The following SLIT3 variants were observed in gnomAD, a reference collection of about 807,000 sequenced individuals.
The protein encoded by SLIT3 is slit guidance ligand 3, also known as slit homolog 3 protein.
In SLIT3, 68 loss-of-function variants were observed where a neutral mutation model predicts 184.0. That is an observed-to-expected ratio of 0.37 (90% CI 0.30 to 0.45). The LOEUF (loss-of-function observed/expected upper bound fraction) is 0.45. Among genes scored for constraint, SLIT3 ranks in the 20% least tolerant of loss-of-function variants. SLIT3 has a pLI of 1.00. For missense variants in SLIT3, 1,707 were observed against 2,026.0 expected, an observed-to-expected ratio of 0.84 and a Z score of 3.02; for synonymous variants, 831 against 828.6, an observed-to-expected ratio of 1.00 and a Z score of -0.05.
intron 4 of SLIT3, among the ~76,000 whole-genome samples, chr5:169,035,906 C>T (rs1358903198): frequency 6.6e-6 from 1 of 152,162 alleles, no homozygotes; most frequent in East Asian, 1.9e-4. Flanking sequence ...GTTACATCAA[C>T]TCCAGCATCT....
intron 1 of SLIT3, 53 bp from the exon 2 acceptor site, chr5:169,251,512 T>C: frequency 8.2e-7 from 1 of 1,218,278 alleles, no homozygotes. Context: ...AATTACGGTC[T>C]ATTTAATCCA....
chr5:168,948,328 T>C (rs1762552151), intron 4 of SLIT3, among the ~76,000 whole-genome samples: 1 of 151,948 alleles, frequency 6.6e-6, no homozygotes, highest in African/African-American at 2.4e-5. Flanking sequence ...GATTTTTGGG[T>C]TCAGAGGAGA....
At chr5:169,192,957 C>G (rs536122757) in intron 4 of SLIT3, among the ~76,000 whole-genome samples, 1 of 152,172 alleles carries the variant, frequency 6.6e-6, no homozygotes, top group Admixed American at 6.5e-5. Flanking sequence ...GAGAATAAAG[C>G]AAAATTCAAC....
intron 4 of SLIT3, among the ~76,000 whole-genome samples, chr5:168,968,222 C>T (rs1040598084): frequency 1.3e-5 from 2 of 152,180 alleles, no homozygotes; most frequent in East Asian, 1.9e-4. Flanking sequence ...GCAAGCTTAG[C>T]GCCCCCCTCT....
chr5:169,295,593 C>T (rs1424051464), intron 1 of SLIT3, among the ~76,000 whole-genome samples: 1 of 152,224 alleles, frequency 6.6e-6, no homozygotes, highest in African/African-American at 2.4e-5. Context: ...CAATTCAAAC[C>T]CACAGTCGTC....
intron 14 of SLIT3, among the ~76,000 whole-genome samples, chr5:168,768,558 C>A (rs1186422278): frequency 6.6e-6 from 1 of 152,206 alleles, no homozygotes; most frequent in Non-Finnish European, 1.5e-5. Context: ...CTATCACATG[C>A]CTGAATTGAG....
chr5:169,059,604 C>A (rs1389533433), intron 4 of SLIT3, among the ~76,000 whole-genome samples: 1 of 152,198 alleles, frequency 6.6e-6, no homozygotes, highest in Non-Finnish European at 1.5e-5. Flanking sequence ...TTAGCATGCC[C>A]AGCACAACAT....
chr5:168,682,613 C>T (rs1163280978), intron 32 of SLIT3, among the ~76,000 whole-genome samples: 1 of 152,158 alleles, frequency 6.6e-6, no homozygotes, highest in African/African-American at 2.4e-5. Context: ...TTATCAGGGG[C>T]CTTGACAACA....
At chr5:168,720,733 T>C (rs1762916537) in intron 23 of SLIT3, 1 of 152,210 alleles carries the variant, frequency 6.6e-6, no homozygotes, top group Non-Finnish European at 1.5e-5. Context: ...TAAGTGACAA[T>C]AACAGATTGC....
At chr5:168,830,843 C>G (rs1757858825) in intron 6 of SLIT3, among the ~76,000 whole-genome samples, 1 of 152,226 alleles carries the variant, frequency 6.6e-6, no homozygotes, top group Admixed American at 6.5e-5. Context: ...TTCAGACAGA[C>G]AGATGTCACC....
At chr5:169,129,730 G>A (rs1247361324) in intron 4 of SLIT3, among the ~76,000 whole-genome samples, 5 of 152,198 alleles carry the variant, frequency 3.3e-5, no homozygotes, top group African/African-American at 7.2e-5. Flanking sequence ...TCCTGGAAAA[G>A]AGAAGAGGAT....
At chr5:168,946,638 C>A (rs533913901) in intron 4 of SLIT3, among the ~76,000 whole-genome samples, 2 of 152,336 alleles carry the variant, frequency 1.3e-5, no homozygotes, top group East Asian at 1.9e-4. Flanking sequence ...CAAGCACAGG[C>A]CCTGAATCAT....
chr5:169,253,690 T>G (rs972155770), intron 1 of SLIT3, among the ~76,000 whole-genome samples: 1 of 152,134 alleles, frequency 6.6e-6, no homozygotes, highest in Non-Finnish European at 1.5e-5. Context: ...TTGAAGCGCA[T>G]CTCTCCCATC....
chr5:169,260,496 AG>A (rs752588337), intron 1 of SLIT3, among the ~76,000 whole-genome samples: 4 of 152,326 alleles, frequency 2.6e-5, no homozygotes, highest in Admixed American at 2.0e-4. Flanking sequence ...TTGCCAACAA[AG>A]GTTACAGTTC....
intron 27 of SLIT3, among the ~76,000 whole-genome samples, chr5:168,700,086 G>A (rs1441390358): frequency 6.6e-6 from 1 of 152,230 alleles, no homozygotes. Flanking sequence ...CTTACAGGGT[G>A]CGAAGAGCCT....
chr5:169,162,138 G>A lies in SLIT3; in HGVS notation c.413+31341C>T, dbSNP rs527775218. ...CCTTGAGAGTTCTAGAAACTTGCCC[G>A]TGGTTAGTAAGCCACAGAGATGGGA... On this transcript the variant is annotated intron_variant, in intron 4 of 35. Transcript: ENST00000519560. Among the ~76,000 whole-genome samples, 34 of 152,282 alleles carry A rather than the reference G, an allele frequency of 2.2e-4. 2 individuals carry two copies. The South Asian group carries it at 6.4e-3, about 29-fold the overall frequency.
At chr5:169,105,403 C>T (rs776865870) in intron 4 of SLIT3, among the ~76,000 whole-genome samples, 8 of 152,196 alleles carry the variant, frequency 5.3e-5, no homozygotes, top group Non-Finnish European at 8.8e-5. Context: ...TACGACTTCT[C>T]GCCCCATCTT....
At chr5:168,904,886 G>T (rs765219551) in intron 4 of SLIT3, among the ~76,000 whole-genome samples, 2 of 152,178 alleles carry the variant, frequency 1.3e-5, no homozygotes, top group Non-Finnish European at 2.9e-5. Flanking sequence ...GTGATATCCG[G>T]CTGGGTGTGG....
At chr5:169,110,758 A>G (rs1208853746) in intron 4 of SLIT3, among the ~76,000 whole-genome samples, 2 of 152,172 alleles carry the variant, frequency 1.3e-5, no homozygotes, top group African/African-American at 4.8e-5. Context: ...GACTATTGTA[A>G]TAGCTTCCTA....
Sources: gnomAD v4.1 joint callset for allele counts (sites outside exome capture counted in the v4.1 genomes callset) on GRCh38, gnomAD v4.1.1 for gene constraint, MANE v1.5 for transcripts, NCBI Gene and HGNC (gene_info 2026-07-23, HGNC 2026-07-21) for gene names.